NUDC: variants seen among roughly 807,000 people sequenced by gnomAD.
NUDC encodes the protein nuclear migration protein nudC.
A neutral mutation model predicts 45.0 loss-of-function variants in NUDC; 14 were observed. The observed-to-expected ratio is 0.31, with a 90% CI of 0.21 to 0.49. The LOEUF (loss-of-function observed/expected upper bound fraction) is 0.49, where lower values mean the gene tolerates loss of function less well. Among genes scored for constraint, NUDC ranks in the 20% least tolerant of loss-of-function variants. The pLI is 0.99. For missense variants in NUDC, 323 were observed against 426.2 expected, an observed-to-expected ratio of 0.76 and a Z score of 2.13; for synonymous variants, 153 against 156.7, an observed-to-expected ratio of 0.98 and a Z score of 0.17.
chr1:26,921,043 A>G (rs2082087886), upstream of NUDC, among the ~76,000 whole-genome samples: 1 of 152,198 alleles, frequency 6.6e-6, no homozygotes, highest in Non-Finnish European at 1.5e-5. Context: ...ACAGGGATAG[A>G]GTTCCTGAAA....
upstream of NUDC, among the ~76,000 whole-genome samples, chr1:26,920,776 C>CAAAAAAAAAAAAAAAAA (rs758430801): frequency 7.5e-6 from 1 of 133,726 alleles, no homozygotes; most frequent in Non-Finnish European, 1.6e-5. Context: ...AAACAAAAAA[C>CAAAAAAAAAAAAAAAAA]AAAAAAAAAA....
chr1:26,933,223 G>A (rs1162072074), intron 2 of NUDC, among the ~76,000 whole-genome samples: 1 of 150,504 alleles, frequency 6.6e-6, no homozygotes, highest in Non-Finnish European at 1.5e-5. Flanking sequence ...CTTGACCACC[G>A]CGCCCGGCCA....
intron 2 of NUDC, among the ~76,000 whole-genome samples, chr1:26,937,523 C>T (rs1302662484): frequency 6.6e-6 from 1 of 152,144 alleles, no homozygotes; most frequent in Non-Finnish European, 1.5e-5. Flanking sequence ...CTCAAGCGAT[C>T]TGCCCGCCTC....
At chr1:26,931,489 T>C (rs188626698) in intron 2 of NUDC, among the ~76,000 whole-genome samples, 2 of 147,736 alleles carry the variant, frequency 1.4e-5, no homozygotes, top group East Asian at 4.3e-4. Context: ...TTCAAGAGAT[T>C]TCTCGTACCG....
intron 2 of NUDC, among the ~76,000 whole-genome samples, chr1:26,902,606 AG>A (rs1273258392): frequency 1.3e-5 from 2 of 152,032 alleles, no homozygotes; most frequent in African/African-American, 2.4e-5. Context: ...CTCTCCTGGC[AG>A]GGTGTGGTAA....
At chr1:26,927,780 C>T (rs1432382375) in intron 2 of NUDC, among the ~76,000 whole-genome samples, 1 of 152,088 alleles carries the variant, frequency 6.6e-6, no homozygotes. Context: ...AGACCACAAT[C>T]CACTTCAGAA....
intron 2 of NUDC, among the ~76,000 whole-genome samples, chr1:26,903,400 A>G (rs1211769291): frequency 6.6e-6 from 1 of 152,236 alleles, no homozygotes. Context: ...ATAATGACCT[A>G]TGAAACAATA....
intron 3 of NUDC, chr1:26,911,595 A>T: frequency 1.9e-6 from 1 of 533,804 alleles, no homozygotes; most frequent in Non-Finnish European, 3.4e-6. Context: ...TCTCATCCCA[A>T]GAAGGGACAG....
At chr1:26,920,781 A>AAC (rs1408804827), upstream of NUDC, among the ~76,000 whole-genome samples, 4 of 132,088 alleles carry the variant, frequency 3.0e-5, no homozygotes, top group Non-Finnish European at 5.2e-5. Context: ...AAAAACAAAA[A>AAC]AAAAAAAACA....
At chr1:26,926,160 C>T (rs892363900) in intron 2 of NUDC, among the ~76,000 whole-genome samples, 16 of 152,058 alleles carry the variant, frequency 1.1e-4, no homozygotes, top group African/African-American at 3.4e-4. Context: ...AGATTACAGG[C>T]GTGAGCCACC....
intron 2 of NUDC, among the ~76,000 whole-genome samples, chr1:26,905,369 C>G (rs1326870186): frequency 6.6e-6 from 1 of 151,680 alleles, no homozygotes; most frequent in African/African-American, 2.4e-5. Flanking sequence ...CCATGCTGGC[C>G]AGGCTGGTCT....
chr1:26,921,710 G>A, upstream of NUDC: 1 of 913,918 alleles, frequency 1.1e-6, no homozygotes, highest in Non-Finnish European at 1.7e-6. Context: ...GCGGGCCTGG[G>A]CAGCCGCGCG....
At chr1:26,942,567 A>T in intron 4 of NUDC, 93 bp from the exon 5 acceptor site, 2 of 1,580,402 alleles carry the variant, frequency 1.3e-6, no homozygotes, top group Non-Finnish European at 1.7e-6. Flanking sequence ...TTGTGGCTGT[A>T]TGCCCAGTGC....
intron 2 of NUDC, among the ~76,000 whole-genome samples, chr1:26,903,749 A>C (rs182217308): frequency 5.3e-5 from 8 of 150,650 alleles, no homozygotes; most frequent in African/African-American, 1.9e-4. Flanking sequence ...GGTGGCTCAC[A>C]CCTGTAATTC....
chr1:26,946,503 C>A lies in NUDC; in HGVS notation c.*322C>A, dbSNP rs2082318813. On this transcript the variant is annotated 3_prime_UTR_variant, in exon 9 of 9. Transcript: ENST00000321265. ...TTCTAGCCCAGATTCTGCCATGTGA[C>A]CTAGGGCACATCCTTGCCCCTCTCT... is the stretch of plus-strand genomic sequence containing the variant. 1 of 417,798 alleles carries A rather than the reference C, an allele frequency of 2.4e-6. No individual in the cohort carries two copies. The highest frequency in any genetic ancestry group is 3.5e-5 in the Admixed American group (1 of 28,184). 25.9% of individuals were successfully genotyped at this position (417,798 alleles called of 1,614,324 possible).
At chr1:26,933,890 C>T (rs909199689) in intron 2 of NUDC, among the ~76,000 whole-genome samples, 126 of 152,160 alleles carry the variant, frequency 8.3e-4, no homozygotes, top group Non-Finnish European at 1.3e-3. Context: ...CACGGTGGCT[C>T]ACGCCTGTAA....
intron 2 of NUDC, among the ~76,000 whole-genome samples, chr1:26,936,949 A>G (rs1570739553): frequency 6.6e-6 from 1 of 152,078 alleles, no homozygotes; most frequent in African/African-American, 2.4e-5. Flanking sequence ...TCAGTCCCAT[A>G]AGACAGTGCC....
At chr1:26,931,377 CTTT>C (rs796368735) in intron 2 of NUDC, among the ~76,000 whole-genome samples, 1 of 76,924 alleles carries the variant, frequency 1.3e-5, no homozygotes, top group Non-Finnish European at 2.6e-5. Flanking sequence ...TGCGCCTGGC[CTTT>C]TTTTTTTTTT....
intron 2 of NUDC, among the ~76,000 whole-genome samples, chr1:26,903,790 C>T (rs1170892813): frequency 6.6e-6 from 1 of 151,896 alleles, no homozygotes; most frequent in African/African-American, 2.4e-5. Flanking sequence ...GTGGGCGGAT[C>T]ACAAGGTCAG....
Sources: gnomAD v4.1 joint callset for allele counts (sites outside exome capture counted in the v4.1 genomes callset) on GRCh38, gnomAD v4.1.1 for gene constraint, MANE v1.5 for transcripts, NCBI Gene and HGNC (gene_info 2026-07-23, HGNC 2026-07-21) for gene names.